The following OSBPL6 variants were observed in gnomAD, a reference collection of about 807,000 sequenced individuals.
OSBPL6 encodes the protein oxysterol binding protein like 6.
Under a neutral mutation model 125.8 loss-of-function variants are expected in OSBPL6, and 49 were observed. That is an observed-to-expected ratio of 0.39 (90% CI 0.31 to 0.49). The LOEUF (loss-of-function observed/expected upper bound fraction) is 0.49. Ranked by LOEUF, OSBPL6 falls within the 20% of genes least tolerant of loss-of-function variation. OSBPL6 has a pLI of 0.88. For missense variants in OSBPL6, 986 were observed against 1,135.4 expected (o/e 0.87, Z 1.89); for synonymous variants, 394 against 391.8 (o/e 1.01, Z -0.07).
intron 1 of OSBPL6, among the ~76,000 whole-genome samples, chr2:178,233,328 A>G (rs536476176): frequency 4.5e-4 from 68 of 152,284 alleles, no homozygotes; most frequent in Non-Finnish European, 4.1e-4. Flanking sequence ...CTGAATATCT[A>G]ATTCCTGCGA....
chr2:178,269,362 T>C (rs2092322012), intron 1 of OSBPL6, among the ~76,000 whole-genome samples: 1 of 152,226 alleles, frequency 6.6e-6, no homozygotes, highest in Admixed American at 6.5e-5. Flanking sequence ...ATAAAGCTAC[T>C]ATGAACAATT....
At chr2:178,300,364 A>G (rs1686167218) in intron 2 of OSBPL6, among the ~76,000 whole-genome samples, 1 of 152,218 alleles carries the variant, frequency 6.6e-6, no homozygotes, top group Non-Finnish European at 1.5e-5. Context: ...CTTAGACCAT[A>G]GGGTCACTCT....
At position 178,396,976 on chromosome 2, in the gene OSBPL6, A is replaced by T. The variant is rs1279766553; in HGVS notation, c.*1417A>T. The T allele has an allele frequency of 6.6e-6, 1 of 152,192 alleles. No homozygotes were observed. Among genetic ancestry groups the T allele is most frequent in the African/African-American group, 2.4e-5 (1 of 41,460 alleles). 9.4% of individuals were successfully genotyped at this position (152,192 alleles called of 1,614,324 possible). A position where few individuals can be genotyped will look rare whatever the true frequency, so the allele number is the denominator to read the frequency against. On this transcript the variant is annotated 3_prime_UTR_variant, in exon 25 of 25. Coordinates refer to ENST00000190611, the MANE Select transcript of OSBPL6 (RefSeq NM_032523.4). ...AGAGATTTTCCTAGGGAATTATAAA[A>T]TTACATATATTTTATTGTTAGTTAG...
Position 178,242,995 on chromosome 2 carries a change from T to A in OSBPL6, c.-350-41932T>A, listed in dbSNP as rs182910171. The stretch of plus-strand genomic sequence containing the variant: ...ATTTAATATTTTAAAATTATATATT[T>A]CATATAGTAGCACATTTTTATAAAT... On this transcript the variant is annotated intron_variant, in intron 1 of 24. Coordinates refer to ENST00000190611, the MANE Select transcript of OSBPL6 (RefSeq NM_032523.4). Among the ~76,000 whole-genome samples, 24 of 151,918 alleles carry A rather than the reference T, an allele frequency of 1.6e-4. No individual in the cohort carries two copies. In the East Asian group the frequency reaches 4.4e-3, roughly 28 times the overall value.
chr2:178,388,761 A>T (rs1695160217), intron 20 of OSBPL6, among the ~76,000 whole-genome samples: 1 of 152,242 alleles, frequency 6.6e-6, no homozygotes. Context: ...CTGTCTCCAG[A>T]AAAGCAGGAA....
intron 1 of OSBPL6, among the ~76,000 whole-genome samples, chr2:178,208,443 A>G (rs2089655661): frequency 6.6e-6 from 1 of 152,228 alleles, no homozygotes; most frequent in African/African-American, 2.4e-5. Context: ...CAAACCAATT[A>G]TTACTTAGCT....
At chr2:178,335,940 G>T (rs755748149) in intron 8 of OSBPL6, among the ~76,000 whole-genome samples, 20 of 152,174 alleles carry the variant, frequency 1.3e-4, no homozygotes, top group Non-Finnish European at 2.6e-4. Context: ...AAACCTTTTG[G>T]AAAGGAAAGA....
intron 11 of OSBPL6, among the ~76,000 whole-genome samples, chr2:178,347,373 T>C (rs1574933395): frequency 6.6e-6 from 1 of 152,306 alleles, no homozygotes; most frequent in East Asian, 1.9e-4. Flanking sequence ...TAGTTCCTTA[T>C]ATCAGAAAAC....
chr2:178,317,449 T>C (rs1324869724), intron 3 of OSBPL6, among the ~76,000 whole-genome samples: 1 of 18,582 alleles, frequency 5.4e-5, no homozygotes, highest in Non-Finnish European at 1.3e-4. Context: ...TATATATATA[T>C]ATATATATAT....
chr2:178,254,136 GTAATCCCAAC>G (rs2091797879), intron 1 of OSBPL6, among the ~76,000 whole-genome samples: 3 of 152,184 alleles, frequency 2.0e-5, no homozygotes, highest in Admixed American at 2.0e-4. Context: ...GCTTATGCCT[GTAATCCCAAC>G]ACTTTGGGAG....
chr2:178,312,430 T>G (rs1236445814), intron 3 of OSBPL6, among the ~76,000 whole-genome samples: 1 of 150,834 alleles, frequency 6.6e-6, no homozygotes, highest in Non-Finnish European at 1.5e-5. Context: ...AGTGCTGGAA[T>G]TACAGGCATG....
intron 3 of OSBPL6, among the ~76,000 whole-genome samples, chr2:178,314,054 C>T (rs1011433383): frequency 6.6e-6 from 1 of 152,206 alleles, no homozygotes; most frequent in African/African-American, 2.4e-5. Context: ...CCAGCATATA[C>T]GTGAACTGAA....
chr2:178,392,658 C>A, intron 23 of OSBPL6, 120 bp downstream of exon 23: 2 of 1,281,490 alleles, frequency 1.6e-6, no homozygotes, highest in Non-Finnish European at 1.1e-6. Context: ...GAATTCAAGA[C>A]CAGCCTGGAC....
intron 13 of OSBPL6, among the ~76,000 whole-genome samples, chr2:178,364,143 G>A (rs1692599844): frequency 6.6e-6 from 1 of 152,204 alleles, no homozygotes; most frequent in Non-Finnish European, 1.5e-5. Context: ...TCTGGAGAAT[G>A]GCAGGTAGTT....
chr2:178,377,706 A>G (rs1490991392), intron 15 of OSBPL6, among the ~76,000 whole-genome samples: 2 of 152,194 alleles, frequency 1.3e-5, no homozygotes, highest in African/African-American at 4.8e-5. Context: ...GCAGAGATCC[A>G]CAACTTCAGC....
intron 1 of OSBPL6, among the ~76,000 whole-genome samples, chr2:178,238,861 A>C (rs551368): frequency 0.64 from 96,910 of 151,966 alleles, 33,133 homozygotes; most frequent in African/African-American, 0.9. Flanking sequence ...ACTTCCCCCC[A>C]ACTCATGTGG....
chr2:178,388,770 A>C (rs922216530), intron 20 of OSBPL6, among the ~76,000 whole-genome samples: 2 of 152,226 alleles, frequency 1.3e-5, no homozygotes, highest in Non-Finnish European at 1.5e-5. Context: ...GAAAAGCAGG[A>C]ACCAGGCCCT....
rs555240132 is a variant in OSBPL6 at position 178,375,500 on chromosome 2, A to G, written c.1533+1473A>G. Among the ~76,000 whole-genome samples the G allele has an allele frequency of 2.6e-5, 4 of 152,094 alleles. No homozygotes were observed. The South Asian group carries it at 8.3e-4, about 32-fold the overall frequency. On this transcript the variant is annotated intron_variant, in intron 15 of 24. Coordinates refer to ENST00000190611, the MANE Select transcript of OSBPL6 (RefSeq NM_032523.4). ...GGCAGTGGCGCAATCTTGGCTCACC[A>G]CAACCTCTGCCTCCCGGGTTCAAGC...
At chr2:178,229,325 A>G (rs1051300140) in intron 1 of OSBPL6, among the ~76,000 whole-genome samples, 1 of 152,338 alleles carries the variant, frequency 6.6e-6, no homozygotes, top group South Asian at 2.1e-4. Context: ...TAGACCGTGC[A>G]TGGTGTTTAA....
Sources: gnomAD v4.1 joint callset for allele counts (sites outside exome capture counted in the v4.1 genomes callset) on GRCh38, gnomAD v4.1.1 for gene constraint, MANE v1.5 for transcripts, NCBI Gene and HGNC (gene_info 2026-07-23, HGNC 2026-07-21) for gene names.